GFRA1: variants seen among roughly 807,000 people sequenced by gnomAD.
The protein encoded by GFRA1 is GDNF family receptor alpha-1.
GFRA1 carries 16 observed loss-of-function variants against 51.6 expected under a neutral mutation model. The observed-to-expected ratio is 0.31, with a 90% CI of 0.21 to 0.47. The LOEUF (loss-of-function observed/expected upper bound fraction) is 0.47. GFRA1 is among the 20% of genes least tolerant of loss of function. The pLI, the probability that GFRA1 is intolerant of heterozygous loss-of-function variation, is 1.00. For missense variants in GFRA1, 530 were observed against 594.3 expected, an observed-to-expected ratio of 0.89 and a Z score of 1.13; for synonymous variants, 270 against 241.3, an observed-to-expected ratio of 1.12 and a Z score of -1.10.
intron 5 of GFRA1, among the ~76,000 whole-genome samples, chr10:116,146,564 G>A (rs1958809857): frequency 2.6e-5 from 4 of 152,230 alleles, no homozygotes; most frequent in Admixed American, 2.6e-4. Flanking sequence ...CATGTTGCTG[G>A]TGAGTCAGCA....
intron 10 of GFRA1, among the ~76,000 whole-genome samples, chr10:116,064,784 C>A (rs774690678): frequency 6.6e-6 from 1 of 152,120 alleles, no homozygotes; most frequent in Non-Finnish European, 1.5e-5. Flanking sequence ...CTTGCTCTTC[C>A]ATTAGGAATT....
Position 116,152,575 on chromosome 10 carries a change from T to C in GFRA1, c.434-27018A>G, listed in dbSNP as rs143288659. ...TCACCAATGCGATGGTGTTAAACCA[T>C]TCACGAGGGATCTGCCCGCCTGACC... On this transcript the variant is annotated intron_variant, in intron 5 of 10. Coordinates refer to ENST00000355422, the MANE Select transcript of GFRA1 (RefSeq NM_005264.8). Among the ~76,000 whole-genome samples the C allele has an allele frequency of 3.7e-3, 560 of 152,236 alleles. 4 individuals are homozygous for C. The highest frequency in any genetic ancestry group is 0.013 in the African/African-American group (536 of 41,544).
chr10:116,164,171 A>G (rs1389120006), intron 5 of GFRA1, among the ~76,000 whole-genome samples: 4 of 152,100 alleles, frequency 2.6e-5, no homozygotes, highest in African/African-American at 9.7e-5. Flanking sequence ...AAGCCCACAG[A>G]CTAGACTTTA....
chr10:116,109,296 T>A (rs1957109998), intron 6 of GFRA1, among the ~76,000 whole-genome samples: 1 of 152,200 alleles, frequency 6.6e-6, no homozygotes, highest in South Asian at 2.1e-4. Context: ...CTTTTCATTT[T>A]AGTTCTTGGA....
intron 6 of GFRA1, among the ~76,000 whole-genome samples, chr10:116,121,385 A>G (rs1413260967): frequency 6.6e-6 from 1 of 152,156 alleles, no homozygotes; most frequent in African/African-American, 2.4e-5. Context: ...TTGGAGGCCC[A>G]AACAGTCAGG....
At position 116,258,088 on chromosome 10, in the gene GFRA1, C is replaced by A. The variant is rs1260159397; in HGVS notation, c.418+11415G>T. On this transcript the variant is annotated intron_variant, in intron 4 of 10. Transcript: ENST00000355422. ...CACCATAGGGCCGTATGTGAGCTTT[C>A]TATGGGTTCTACTCATTCATCATAA... Among the ~76,000 whole-genome samples, 3 of 152,176 alleles carry A rather than the reference C, an allele frequency of 2.0e-5. No individual in the cohort carries two copies. The East Asian group carries it at 5.8e-4, about 29-fold the overall frequency.
chr10:116,172,030 G>C (rs914608983), intron 5 of GFRA1, among the ~76,000 whole-genome samples: 2 of 152,126 alleles, frequency 1.3e-5, no homozygotes, highest in South Asian at 4.2e-4. Flanking sequence ...TGCTTCCCTT[G>C]TCCCTAGAAT....
At chr10:116,200,778 C>T (rs73372455) in intron 5 of GFRA1, among the ~76,000 whole-genome samples, 32,350 of 152,048 alleles carry the variant, frequency 0.21, 3,511 homozygotes, top group South Asian at 0.27. Context: ...CCTAATTATC[C>T]CCAAAGGCCC....
intron 4 of GFRA1, among the ~76,000 whole-genome samples, chr10:116,268,164 G>A (rs945918036): frequency 6.6e-6 from 1 of 152,188 alleles, no homozygotes; most frequent in Non-Finnish European, 1.5e-5. Flanking sequence ...CACACTCTGA[G>A]TAGCAAAGGG....
At chr10:116,154,283 C>T (rs532401000) in intron 5 of GFRA1, among the ~76,000 whole-genome samples, 40 of 152,198 alleles carry the variant, frequency 2.6e-4, no homozygotes, top group Non-Finnish European at 1.2e-4. Flanking sequence ...ATTTTCATTG[C>T]TGCTTGATTT....
chr10:116,261,063 C>T (rs538787385), intron 4 of GFRA1, among the ~76,000 whole-genome samples: 2 of 152,268 alleles, frequency 1.3e-5, no homozygotes, highest in African/African-American at 2.4e-5. Flanking sequence ...AAACAATGAA[C>T]AACTACCTCC....
intron 5 of GFRA1, among the ~76,000 whole-genome samples, chr10:116,182,995 A>G (rs61198062): frequency 0.032 from 4,926 of 152,248 alleles, 69 homozygotes; most frequent in African/African-American, 0.043. Flanking sequence ...AATCAAGGCT[A>G]CCCAAGGGCC....
intron 5 of GFRA1, among the ~76,000 whole-genome samples, chr10:116,157,231 G>A (rs979331228): frequency 6.6e-6 from 1 of 152,240 alleles, no homozygotes; most frequent in Non-Finnish European, 1.5e-5. Flanking sequence ...TTGAGGAAAT[G>A]CTGCTGGCTG....
At chr10:116,195,089 G>C (rs1963618412) in intron 5 of GFRA1, among the ~76,000 whole-genome samples, 1 of 152,142 alleles carries the variant, frequency 6.6e-6, no homozygotes, top group Admixed American at 6.5e-5. Context: ...TACAAAAATA[G>C]GTGGTCAGCA....
chr10:116,108,588 C>T (rs1054326039), intron 6 of GFRA1, among the ~76,000 whole-genome samples: 1 of 152,154 alleles, frequency 6.6e-6, no homozygotes, highest in Non-Finnish European at 1.5e-5. Flanking sequence ...CCAGGGTCCA[C>T]ATAAGCCATT....
At chr10:116,177,825 T>A (rs1961780652) in intron 5 of GFRA1, among the ~76,000 whole-genome samples, 1 of 152,142 alleles carries the variant, frequency 6.6e-6, no homozygotes, top group Admixed American at 6.5e-5. Flanking sequence ...TTTGGCCCAC[T>A]GAGGACAAAG....
chr10:116,082,310 C>A (rs1955884546), intron 9 of GFRA1, among the ~76,000 whole-genome samples: 1 of 152,114 alleles, frequency 6.6e-6, no homozygotes, highest in Admixed American at 6.5e-5. Flanking sequence ...CAGTTCTAAT[C>A]CCTGAAGACC....
chr10:116,234,485 C>A (rs1158070229), intron 4 of GFRA1, among the ~76,000 whole-genome samples: 2 of 152,166 alleles, frequency 1.3e-5, no homozygotes, highest in Non-Finnish European at 2.9e-5. Context: ...CAAAGAAGGT[C>A]CATTCATTTG....
chr10:116,163,743 C>T (rs1277146009), intron 5 of GFRA1, among the ~76,000 whole-genome samples: 2 of 152,028 alleles, frequency 1.3e-5, no homozygotes, highest in Non-Finnish European at 2.9e-5. Flanking sequence ...TTGTGAGCCA[C>T]GGAGGCAGGG....
Sources: allele counts gnomAD v4.1 joint callset (sites outside exome capture counted in the v4.1 genomes callset), GRCh38; gene constraint gnomAD v4.1.1; transcripts MANE v1.5; gene names NCBI Gene and HGNC (gene_info 2026-07-23, HGNC 2026-07-21).